RSRC1: variants seen among roughly 807,000 people sequenced by gnomAD.
RSRC1 encodes the protein arginine and serine rich coiled-coil 1, also known as serine/Arginine-related protein 53.
A neutral mutation model predicts 49.1 loss-of-function variants in RSRC1; 39 were observed. The ratio of observed to expected loss-of-function variants is 0.79; its 90% CI spans 0.61 to 1.04. The LOEUF is 1.04. Among genes scored for constraint, RSRC1 ranks in the 50% least tolerant of loss-of-function variants. The probability of loss-of-function intolerance (pLI) is 0.00; values close to 1 mark genes in which losing one functional copy is unlikely to be tolerated. For synonymous variants in RSRC1, 143 were observed against 130.8 expected, an observed-to-expected ratio of 1.09 and a Z score of -0.63; for missense variants, 388 against 402.4, an observed-to-expected ratio of 0.96 and a Z score of 0.31.
intron 6 of RSRC1, among the ~76,000 whole-genome samples, chr3:158,375,829 A>G (rs1390949794): frequency 6.6e-6 from 1 of 152,228 alleles, no homozygotes; most frequent in Non-Finnish European, 1.5e-5. Flanking sequence ...TATTTAAAAA[A>G]CAATTAGAAT....
chr3:158,388,641 C>T (rs905141384), intron 6 of RSRC1, among the ~76,000 whole-genome samples: 5 of 146,732 alleles, frequency 3.4e-5, no homozygotes, highest in Admixed American at 2.7e-4. Flanking sequence ...GACTGAGTCT[C>T]GCTCTGTAGC....
chr3:158,316,585 C>T (rs1416282916), intron 5 of RSRC1, among the ~76,000 whole-genome samples: 2 of 151,686 alleles, frequency 1.3e-5, no homozygotes, highest in African/African-American at 4.8e-5. Flanking sequence ...GCTGGGACTA[C>T]AGGCGCCCGC....
chr3:158,195,935 G>A (rs1009904287), intron 3 of RSRC1, among the ~76,000 whole-genome samples: 11 of 151,934 alleles, frequency 7.2e-5, no homozygotes, highest in Non-Finnish European at 1.2e-4. Flanking sequence ...GTAGCGTGAT[G>A]CCTCCAGCTT....
intron 6 of RSRC1, among the ~76,000 whole-genome samples, chr3:158,406,096 C>A (rs1006361456): frequency 1.3e-5 from 2 of 151,952 alleles, no homozygotes; most frequent in African/African-American, 4.8e-5. Flanking sequence ...CAGAAGAAGA[C>A]ATTTTGAAAT....
chr3:158,253,423 G>T (rs1336777974), intron 4 of RSRC1, among the ~76,000 whole-genome samples: 1 of 151,932 alleles, frequency 6.6e-6, no homozygotes, highest in Non-Finnish European at 1.5e-5. Context: ...TTCCACTGTA[G>T]TAAGAGAAGA....
chr3:158,274,962 C>T (rs7621674), intron 4 of RSRC1, among the ~76,000 whole-genome samples: 72,374 of 151,868 alleles, frequency 0.48, 17,799 homozygotes, highest in East Asian at 0.64. Flanking sequence ...GTCAACTACT[C>T]CCCACCCCCC....
chr3:158,415,723 T>A (rs923836612), intron 6 of RSRC1, among the ~76,000 whole-genome samples: 1 of 152,080 alleles, frequency 6.6e-6, no homozygotes, highest in Non-Finnish European at 1.5e-5. Flanking sequence ...CAGACAGATA[T>A]AATAATTTTA....
chr3:158,408,670 C>T (rs1734273832), intron 6 of RSRC1, among the ~76,000 whole-genome samples: 1 of 152,146 alleles, frequency 6.6e-6, no homozygotes, highest in East Asian at 1.9e-4. Flanking sequence ...ATGGCTGCAG[C>T]TGGAGACCAT....
At chr3:158,230,283 A>G (rs1399064107) in intron 4 of RSRC1, among the ~76,000 whole-genome samples, 2 of 152,122 alleles carry the variant, frequency 1.3e-5, no homozygotes, top group African/African-American at 4.8e-5. Context: ...AGTACATCAT[A>G]TCAGAAATCA....
chr3:158,380,742 G>A (rs559173856), intron 6 of RSRC1, among the ~76,000 whole-genome samples: 1 of 152,178 alleles, frequency 6.6e-6, no homozygotes, highest in African/African-American at 2.4e-5. Flanking sequence ...TAAGATACCT[G>A]TGGAATATTT....
At chr3:158,240,297 A>G (rs1723495423) in intron 4 of RSRC1, among the ~76,000 whole-genome samples, 1 of 152,116 alleles carries the variant, frequency 6.6e-6, no homozygotes, top group African/African-American at 2.4e-5. Flanking sequence ...CTTTCCTACT[A>G]ATAAAGTTTT....
chr3:158,453,671 C>G (rs570627317), intron 6 of RSRC1, among the ~76,000 whole-genome samples: 1 of 152,014 alleles, frequency 6.6e-6, no homozygotes, highest in East Asian at 1.9e-4. Context: ...ACCTCACCAG[C>G]GTTTTGAATA....
chr3:158,309,768 A>G (rs1347718564), intron 5 of RSRC1, among the ~76,000 whole-genome samples: 1 of 151,786 alleles, frequency 6.6e-6, no homozygotes, highest in African/African-American at 2.4e-5. Context: ...AATCTAAAAC[A>G]TTAATATAAT....
intron 6 of RSRC1, among the ~76,000 whole-genome samples, chr3:158,371,523 A>G (rs1286402498): frequency 1.3e-5 from 2 of 151,906 alleles, no homozygotes; most frequent in Non-Finnish European, 2.9e-5. Flanking sequence ...ACTTAGCATC[A>G]TGCATTTGAG....
At chr3:158,127,861 A>G (rs149014783) in intron 3 of RSRC1, among the ~76,000 whole-genome samples, 1 of 150,670 alleles carries the variant, frequency 6.6e-6, no homozygotes, top group Non-Finnish European at 1.5e-5. Flanking sequence ...TCCTTCACCA[A>G]CCAGCTTTTT....
intron 4 of RSRC1, among the ~76,000 whole-genome samples, chr3:158,292,048 G>T (rs1035665701): frequency 6.6e-6 from 1 of 151,976 alleles, no homozygotes; most frequent in Non-Finnish European, 1.5e-5. Flanking sequence ...ATCTTCTCAC[G>T]CCTAAGATTA....
intron 4 of RSRC1, among the ~76,000 whole-genome samples, chr3:158,253,323 T>G (rs997436804): frequency 6.6e-6 from 1 of 152,154 alleles, no homozygotes; most frequent in African/African-American, 2.4e-5. Context: ...AATTTCTTCA[T>G]CGAGCCACTC....
chr3:158,380,073 C>CTTTA (rs1172306904), intron 6 of RSRC1, among the ~76,000 whole-genome samples: 3 of 152,092 alleles, frequency 2.0e-5, no homozygotes. Flanking sequence ...ATTGGCTTTA[C>CTTTA]TTTAATGTTT....
intron 7 of RSRC1, among the ~76,000 whole-genome samples, chr3:158,476,204 T>A (rs1459396270): frequency 6.6e-6 from 1 of 152,144 alleles, no homozygotes; most frequent in Non-Finnish European, 1.5e-5. Context: ...AAGAAAAATT[T>A]GAAGCTAGCA....
Sources: allele counts gnomAD v4.1 joint callset (sites outside exome capture counted in the v4.1 genomes callset), GRCh38; gene constraint gnomAD v4.1.1; transcripts MANE v1.5; gene names NCBI Gene and HGNC (gene_info 2026-07-23, HGNC 2026-07-21).